The following SPTLC1 variants were observed in gnomAD, a reference collection of about 807,000 sequenced individuals.
The protein encoded by SPTLC1 is serine palmitoyltransferase 1.
In SPTLC1, 55 loss-of-function variants were observed where a neutral mutation model predicts 68.9. That is an observed-to-expected ratio of 0.80 (90% confidence interval 0.64 to 1.00). The LOEUF is 1.00. Among genes scored for constraint, SPTLC1 ranks in the 50% least tolerant of loss-of-function variants. The probability of loss-of-function intolerance (pLI) is 0.00; values close to 1 mark genes in which losing one functional copy is unlikely to be tolerated. For synonymous variants in SPTLC1, 197 were observed against 201.6 expected (o/e 0.98, Z 0.19); for missense variants, 449 against 573.1 (o/e 0.78, Z 2.21).
At chr9:92,098,295 AT>A (rs1259593021) in intron 3 of SPTLC1, among the ~76,000 whole-genome samples, 2 of 151,046 alleles carry the variant, frequency 1.3e-5, no homozygotes, top group African/African-American at 4.9e-5. Flanking sequence ...AACTCAACCT[AT>A]CCCGCCCCTA....
At chr9:92,045,524 TAAAAAAA>T (rs71362367) in intron 12 of SPTLC1, among the ~76,000 whole-genome samples, 3,277 of 31,534 alleles carry the variant, frequency 0.1, 74 homozygotes, top group Non-Finnish European at 0.15. Context: ...TCTTGTGTAG[TAAAAAAA>T]AAAAAAAAAA....
intron 5 of SPTLC1, chr9:92,079,507 T>C (rs1189346668): frequency 1.2e-6 from 2 of 1,613,472 alleles, no homozygotes; most frequent in African/African-American, 1.3e-5. Flanking sequence ...ATCAAATATT[T>C]AGTTGGCCTG....
chr9:92,079,476 T>G lies in SPTLC1; in HGVS notation c.427+540A>C, dbSNP rs1296821232. The G allele has an allele frequency of 5.0e-6, 8 of 1,612,382 alleles. No homozygotes were observed. The Admixed American group carries it at 1.2e-4, about 24-fold the overall frequency. Reference sequence around the variant, plus strand: ...CTTTGATGACTCCCAGGGAATTCACTGTATTTGAAATCATACATTCATCAA... The same window carrying G: ...CTTTGATGACTCCCAGGGAATTCACGGTATTTGAAATCATACATTCATCAA... On this transcript the variant is annotated intron_variant, in intron 5 of 14. Coordinates refer to ENST00000262554, the MANE Select transcript of SPTLC1 (RefSeq NM_006415.4).
At chr9:92,072,751 C>T (rs975979930) in intron 5 of SPTLC1, among the ~76,000 whole-genome samples, 2 of 152,016 alleles carry the variant, frequency 1.3e-5, no homozygotes, top group African/African-American at 2.4e-5. Flanking sequence ...CTCTATTTTG[C>T]GGGACTTAGA....
intron 13 of SPTLC1, among the ~76,000 whole-genome samples, chr9:92,037,506 C>T (rs1215800878): frequency 3.3e-5 from 5 of 152,288 alleles, no homozygotes; most frequent in Admixed American, 2.0e-4. Flanking sequence ...TCCCACTGCC[C>T]GTCCTGAGTC....
At chr9:92,062,680 G>C (rs1316909762) in intron 6 of SPTLC1, among the ~76,000 whole-genome samples, 3 of 152,144 alleles carry the variant, frequency 2.0e-5, no homozygotes, top group South Asian at 2.1e-4. Context: ...AGGTCAAAGG[G>C]AAAGTGTAAG....
intron 12 of SPTLC1, among the ~76,000 whole-genome samples, chr9:92,045,261 T>C (rs1215545825): frequency 6.6e-6 from 1 of 151,788 alleles, no homozygotes; most frequent in African/African-American, 2.4e-5. Flanking sequence ...TGTTTAACCT[T>C]AGGAAAGGCA....
chr9:92,037,382 A>G (rs1335530961), intron 13 of SPTLC1, among the ~76,000 whole-genome samples: 2 of 152,212 alleles, frequency 1.3e-5, no homozygotes, highest in Non-Finnish European at 1.5e-5. Flanking sequence ...CATACTAGGT[A>G]TATGTCAGAT....
At chr9:92,095,908 C>T (rs1443645270) in intron 3 of SPTLC1, among the ~76,000 whole-genome samples, 1 of 152,182 alleles carries the variant, frequency 6.6e-6, no homozygotes, top group Non-Finnish European at 1.5e-5. Flanking sequence ...GAAAGGCCGA[C>T]AACAGGAGGA....
chr9:92,047,794 A>G (rs545880980), intron 9 of SPTLC1, 86 bp from the exon 10 acceptor site: 116 of 830,730 alleles, frequency 1.4e-4, no homozygotes, highest in Non-Finnish European at 2.3e-4. Context: ...ATTTAACAGC[A>G]TTAAACTGTC....
At chr9:92,114,710 G>A (rs1387158275) in intron 1 of SPTLC1, among the ~76,000 whole-genome samples, 1 of 149,952 alleles carries the variant, frequency 6.7e-6, no homozygotes, top group African/African-American at 2.5e-5. Flanking sequence ...ACTCCAGCTT[G>A]AGCAACAAGT....
At chr9:92,045,756 T>A (rs931415312) in intron 12 of SPTLC1, among the ~76,000 whole-genome samples, 5 of 152,172 alleles carry the variant, frequency 3.3e-5, no homozygotes, top group African/African-American at 1.2e-4. Flanking sequence ...CATCTTTCTA[T>A]CTTCTGTACT....
intron 9 of SPTLC1, among the ~76,000 whole-genome samples, chr9:92,049,353 G>A (rs771369213): frequency 8.5e-5 from 13 of 152,200 alleles, no homozygotes; most frequent in Non-Finnish European, 1.6e-4. Context: ...CTGCCCTGAG[G>A]CTCCAGGAGC....
chr9:92,097,351 C>T (rs1465565758), intron 3 of SPTLC1, among the ~76,000 whole-genome samples: 1 of 152,074 alleles, frequency 6.6e-6, no homozygotes. Flanking sequence ...TATGCCCATG[C>T]AAAAATGTGT....
At chr9:92,090,783 G>C (rs560618186) in intron 3 of SPTLC1, among the ~76,000 whole-genome samples, 27 of 152,132 alleles carry the variant, frequency 1.8e-4, no homozygotes, top group South Asian at 4.2e-4. Context: ...GACCACTTCT[G>C]TCAGCTGCTC....
intron 5 of SPTLC1, among the ~76,000 whole-genome samples, chr9:92,074,171 G>A (rs950064498): frequency 5.3e-5 from 8 of 152,004 alleles, no homozygotes; most frequent in East Asian, 1.9e-4. Context: ...GGGTAAGTCC[G>A]TCCCCTTCTT....
intron 5 of SPTLC1, among the ~76,000 whole-genome samples, chr9:92,074,190 C>T (rs930479317): frequency 5.3e-5 from 8 of 152,032 alleles, no homozygotes; most frequent in Non-Finnish European, 5.9e-5. Context: ...TTAATCGATA[C>T]GGGGGCTACC....
intron 11 of SPTLC1, chr9:92,046,358 T>G: frequency 3.1e-6 from 1 of 324,622 alleles, no homozygotes; most frequent in South Asian, 6.5e-5. Flanking sequence ...GGTACAAATT[T>G]ATTGCTTATT....
intron 3 of SPTLC1, chr9:92,107,771 G>A (rs1836059844): frequency 6.6e-6 from 1 of 152,108 alleles, no homozygotes; most frequent in South Asian, 2.1e-4. Context: ...AGATTGGTAG[G>A]TTTGATTTCA....
Sources: allele counts gnomAD v4.1 joint callset (sites outside exome capture counted in the v4.1 genomes callset), GRCh38; gene constraint gnomAD v4.1.1; transcripts MANE v1.5; gene names NCBI Gene and HGNC (gene_info 2026-07-23, HGNC 2026-07-21).